CFTR: variants seen among roughly 807,000 people sequenced by gnomAD.
The protein encoded by CFTR is CF transmembrane conductance regulator.
Under a neutral mutation model 171.6 loss-of-function variants are expected in CFTR, and 181 were observed. The observed-to-expected ratio is 1.05, with a 90% CI of 0.93 to 1.19. CFTR has a LOEUF of 1.19. Among genes scored for constraint, CFTR ranks in the 50% most tolerant of loss-of-function variants. The pLI is 0.00. For synonymous variants in CFTR, 583 were observed against 608.0 expected, an observed-to-expected ratio of 0.96 and a Z score of 0.60; for missense variants, 1,968 against 1,734.7, an observed-to-expected ratio of 1.13 and a Z score of -2.39.
intron 17 of CFTR, among the ~76,000 whole-genome samples, chr7:117,606,209 A>G (rs1584819022): frequency 6.6e-6 from 1 of 152,144 alleles, no homozygotes; most frequent in East Asian, 1.9e-4. Flanking sequence ...AGGCAGGGAG[A>G]GAGAGCAGCC....
Position 117,524,313 on chromosome 7 carries a change from A to G in CFTR, c.274-6586A>G, listed in dbSNP as rs555473089. On this transcript the variant is annotated intron_variant, in intron 3 of 26. Coordinates refer to ENST00000003084, the MANE Select transcript of CFTR (RefSeq NM_000492.4). ...CATGATCACATGTGATACTTCTAAC[A>G]TAGATAGCACATGTAAATCCAGTGG... Among the ~76,000 whole-genome samples, 115 of 152,118 alleles carry G rather than the reference A, an allele frequency of 7.6e-4. 1 individual carries two copies. The highest frequency in any genetic ancestry group is 6.8e-3 in the South Asian group (33 of 4,824).
At chr7:117,503,214 T>G (rs1798359460) in intron 1 of CFTR, among the ~76,000 whole-genome samples, 1 of 152,224 alleles carries the variant, frequency 6.6e-6, no homozygotes. Context: ...ATTTTGGTGC[T>G]TTAACATGCA....
intron 10 of CFTR, among the ~76,000 whole-genome samples, chr7:117,551,601 T>G (rs1799271925): frequency 6.6e-6 from 1 of 152,246 alleles, no homozygotes. Flanking sequence ...TGCCTAGCAC[T>G]TGACAGGTAT....
intron 1 of CFTR, among the ~76,000 whole-genome samples, chr7:117,486,179 T>G (rs1277514764): frequency 6.6e-6 from 1 of 152,192 alleles, no homozygotes. Flanking sequence ...CGTAGGATTA[T>G]TAGGACTACT....
intron 21 of CFTR, among the ~76,000 whole-genome samples, chr7:117,619,430 G>A (rs893996943): frequency 2.0e-5 from 3 of 152,188 alleles, no homozygotes; most frequent in African/African-American, 7.2e-5. Context: ...TTGGAAAGAA[G>A]CCATTGACAA....
chr7:117,530,614 A>G (rs773033749), intron 3 of CFTR, among the ~76,000 whole-genome samples: 62 of 152,172 alleles, frequency 4.1e-4, no homozygotes, highest in Non-Finnish European at 7.8e-4. Context: ...TAATTAACAA[A>G]CCATTTCAGA....
At chr7:117,594,247 GC>G (rs1156854180) in intron 14 of CFTR, among the ~76,000 whole-genome samples, 2 of 152,142 alleles carry the variant, frequency 1.3e-5, no homozygotes, top group African/African-American at 4.8e-5. Flanking sequence ...TTCCATAGGA[GC>G]CCTTCTTTGT....
intron 11 of CFTR, among the ~76,000 whole-genome samples, chr7:117,573,422 C>T (rs1206845350): frequency 6.6e-6 from 1 of 152,128 alleles, no homozygotes; most frequent in African/African-American, 2.4e-5. Flanking sequence ...TTGAAGCTGA[C>T]ATTTGCCTTT....
At chr7:117,518,133 T>G (rs931734207) in intron 3 of CFTR, among the ~76,000 whole-genome samples, 2 of 151,880 alleles carry the variant, frequency 1.3e-5, no homozygotes, top group Admixed American at 6.6e-5. Context: ...TATATGGAAC[T>G]CTATATGTAG....
chr7:117,611,448 G>C (rs1174304778), intron 19 of CFTR, 133 bp from the exon 20 acceptor site: 1 of 680,248 alleles, frequency 1.5e-6, no homozygotes, highest in African/African-American at 1.8e-5. Context: ...GCACCAGTGT[G>C]AAAAAAAGCT....
At chr7:117,653,487 C>G (rs186217027) in intron 24 of CFTR, among the ~76,000 whole-genome samples, 28 of 152,272 alleles carry the variant, frequency 1.8e-4, no homozygotes, top group Admixed American at 1.2e-3. Context: ...CAAGACCTCT[C>G]TGGTGTCTCT....
chr7:117,558,409 C>T (rs1460872524), intron 10 of CFTR, among the ~76,000 whole-genome samples: 2 of 151,904 alleles, frequency 1.3e-5, no homozygotes, highest in African/African-American at 2.4e-5. Flanking sequence ...AAAAAATTAG[C>T]CAGACGTGAT....
intron 11 of CFTR, among the ~76,000 whole-genome samples, chr7:117,580,320 A>G (rs771432791): frequency 2.4e-4 from 37 of 152,102 alleles, no homozygotes; most frequent in Non-Finnish European, 4.7e-4. Flanking sequence ...GGTATTAAGG[A>G]AAATACAAAT....
chr7:117,509,997 G>A lies in CFTR; in HGVS notation c.273+855G>A, dbSNP rs35447324. Among the ~76,000 whole-genome samples the A allele has an allele frequency of 3.4e-3, 513 of 152,144 alleles. 4 individuals are homozygous for A. The highest frequency in any genetic ancestry group is 0.012 in the African/African-American group (494 of 41,510). Reference sequence around the variant, plus strand: ...AGAGAAATGCCATTTGTGTTACATTGCTTGAAAAATTTCAGTTCATACACC... The same window carrying A: ...AGAGAAATGCCATTTGTGTTACATTACTTGAAAAATTTCAGTTCATACACC... On this transcript the variant is annotated intron_variant, in intron 3 of 26. Transcript: ENST00000003084.
rs1422144811 is a variant in CFTR, at chr7:117,534,197, TTA to T, written c.490-78_490-77del. Reference sequence around the variant, plus strand: ...TAATAATGAATGCATAATAACTGAATTAGTCATATTATAATTTTACTTATAAT... The same window carrying T: ...TAATAATGAATGCATAATAACTGAATGTCATATTATAATTTTACTTATAAT... On this transcript the variant is annotated intron_variant, in intron 4 of 26. Transcript: ENST00000003084. 8.5e-6 allele frequency: 6 copies of T among 708,580 alleles called. No individual in the cohort carries two copies. In the African/African-American group the frequency reaches 1.1e-4, roughly 13 times the overall value. The allele number at this position is 708,580 out of a possible 1,614,324, so 43.9% of individuals were successfully genotyped here. A position where few individuals can be genotyped will look rare whatever the true frequency, so the allele number is the denominator to read the frequency against.
intron 21 of CFTR, among the ~76,000 whole-genome samples, chr7:117,626,167 A>G (rs1383273795): frequency 6.6e-6 from 1 of 152,122 alleles, no homozygotes; most frequent in Non-Finnish European, 1.5e-5. Context: ...CTTCACAAAC[A>G]GTGCAGGCTT....
intron 22 of CFTR, among the ~76,000 whole-genome samples, chr7:117,630,731 T>C (rs1451554745): frequency 6.6e-6 from 1 of 152,078 alleles, no homozygotes; most frequent in Non-Finnish European, 1.5e-5. Flanking sequence ...AGACAAGCCT[T>C]GGGCAGGTTC....
chr7:117,536,215 A>C (rs1409691757), intron 6 of CFTR, among the ~76,000 whole-genome samples: 1 of 152,204 alleles, frequency 6.6e-6, no homozygotes, highest in Non-Finnish European at 1.5e-5. Context: ...TTTGAATCCC[A>C]GATTGCATGC....
chr7:117,587,901 C>G (rs1791970088), intron 12 of CFTR, 68 bp downstream of exon 12: 4 of 964,738 alleles, frequency 4.1e-6, no homozygotes, highest in Non-Finnish European at 5.0e-6. Flanking sequence ...AAATTACAGA[C>G]ATTTCTCTAT....
Sources: gnomAD v4.1 joint callset for allele counts (sites outside exome capture counted in the v4.1 genomes callset) on GRCh38, gnomAD v4.1.1 for gene constraint, MANE v1.5 for transcripts, NCBI Gene and HGNC (gene_info 2026-07-23, HGNC 2026-07-21) for gene names.